RCOR1: variants seen among roughly 807,000 people sequenced by gnomAD.
RCOR1 encodes REST corepressor 1, also known as REST corepressor.
RCOR1 carries 12 observed loss-of-function variants against 64.0 expected under a neutral mutation model. The ratio of observed to expected loss-of-function variants is 0.19; its 90% CI spans 0.12 to 0.30. RCOR1 has a LOEUF of 0.30. Ranked by LOEUF, RCOR1 falls within the 10% of genes least tolerant of loss-of-function variation. RCOR1 has a pLI of 1.00. For missense variants in RCOR1, 502 were observed against 621.2 expected (o/e 0.81, Z 2.04); for synonymous variants, 279 against 227.2 (o/e 1.23, Z -2.05).
At chr14:102,673,029 T>C (rs1252564177) in intron 2 of RCOR1, among the ~76,000 whole-genome samples, 1 of 152,214 alleles carries the variant, frequency 6.6e-6, no homozygotes, top group African/African-American at 2.4e-5. Flanking sequence ...AAAATAGTAT[T>C]TGTCTGCTTA....
intron 3 of RCOR1, among the ~76,000 whole-genome samples, chr14:102,700,605 G>A (rs1895738308): frequency 6.6e-6 from 1 of 152,208 alleles, no homozygotes; most frequent in Admixed American, 6.5e-5. Flanking sequence ...CTGGCCTCAA[G>A]GGATCCTCCC....
chr14:102,609,623 T>C (rs1893585682), intron 2 of RCOR1, among the ~76,000 whole-genome samples: 1 of 151,460 alleles, frequency 6.6e-6, no homozygotes, highest in East Asian at 2.0e-4. Context: ...TTTTGTATTT[T>C]TTAGTAGAGA....
Position 102,649,057 on chromosome 14 carries a change from C to CA in RCOR1, c.362-32830dup, listed in dbSNP as rs1323616591. 6.1e-4 allele frequency among the ~76,000 whole-genome samples: 79 copies of CA among 128,578 alleles called. 1 individual carries two copies. In the East Asian group the frequency reaches 8.4e-3, roughly 14 times the overall value. 84.4% of individuals were successfully genotyped at this position (128,578 alleles called of 152,430 possible). On this transcript the variant is annotated intron_variant, in intron 2 of 11. Transcript: ENST00000262241. ...ATACATATACAGAAAACCAAACAAG[C>CA]AAAAAAAACAAAAAAAAAATAGAAT...
rs1205781028 is a variant in RCOR1 at position 102,685,613 on chromosome 14, G to T, written c.445+3635G>T. On this transcript the variant is annotated intron_variant, in intron 3 of 11. Coordinates refer to ENST00000262241, the MANE Select transcript of RCOR1 (RefSeq NM_015156.4). ...GTCTCCTGCCTCAGCTTCCCAAGTA[G>T]CTGGGACTACACACGCAGGCCCCTG... Among the ~76,000 whole-genome samples, 12 of 151,930 alleles carry T rather than the reference G, an allele frequency of 7.9e-5. No individual in the cohort carries two copies. The East Asian group carries it at 2.3e-3, about 29-fold the overall frequency.
chr14:102,642,707 A>G (rs1270723766), intron 2 of RCOR1, among the ~76,000 whole-genome samples: 1 of 152,110 alleles, frequency 6.6e-6, no homozygotes, highest in East Asian at 1.9e-4. Flanking sequence ...ATGGTGGCAC[A>G]TGCCTATGGT....
intron 2 of RCOR1, chr14:102,658,638 C>G (rs1894772774): frequency 2.0e-6 from 2 of 985,052 alleles, no homozygotes; most frequent in Non-Finnish European, 2.4e-6. Context: ...ACTTGGGTTC[C>G]TCTTACATCA....
chr14:102,624,852 G>A (rs916417115), intron 2 of RCOR1, among the ~76,000 whole-genome samples: 1 of 151,838 alleles, frequency 6.6e-6, no homozygotes, highest in African/African-American at 2.4e-5. Flanking sequence ...GGGAAACTGT[G>A]GGGGAAAGCC....
chr14:102,619,583 C>T (rs1451898634), intron 2 of RCOR1, among the ~76,000 whole-genome samples: 2 of 151,006 alleles, frequency 1.3e-5, no homozygotes, highest in Non-Finnish European at 2.9e-5. Context: ...CGGGTTCAAG[C>T]GATCTTCCTG....
chr14:102,630,086 G>T (rs1169706107), intron 2 of RCOR1: 1 of 729,654 alleles, frequency 1.4e-6, no homozygotes, highest in Non-Finnish European at 1.7e-6. Flanking sequence ...GTTGAAATTT[G>T]ATCTCCAGTG....
intron 2 of RCOR1, among the ~76,000 whole-genome samples, chr14:102,644,549 G>A (rs957314565): frequency 2.6e-5 from 4 of 151,890 alleles, no homozygotes; most frequent in East Asian, 1.9e-4. Flanking sequence ...CCATCACATC[G>A]CTCCCCCTTC....
chr14:102,593,807 C>T (rs918213481), intron 2 of RCOR1, among the ~76,000 whole-genome samples: 45 of 152,298 alleles, frequency 3.0e-4, no homozygotes, highest in African/African-American at 1.1e-3. Flanking sequence ...CTTGCTGGCT[C>T]CTGACTGCCC....
chr14:102,724,281 CTT>C (rs1013378004), intron 11 of RCOR1, among the ~76,000 whole-genome samples: 1 of 152,068 alleles, frequency 6.6e-6, no homozygotes, highest in Non-Finnish European at 1.5e-5. Flanking sequence ...CCTTTACAAA[CTT>C]TTTCACTCCG....
At chr14:102,601,405 A>G (rs1389044178) in intron 2 of RCOR1, among the ~76,000 whole-genome samples, 1 of 152,180 alleles carries the variant, frequency 6.6e-6, no homozygotes, top group Admixed American at 6.6e-5. Flanking sequence ...GTTGGTTTAT[A>G]TTATTTCTGT....
intron 6 of RCOR1, among the ~76,000 whole-genome samples, chr14:102,710,077 G>A (rs973826913): frequency 6.6e-6 from 1 of 152,148 alleles, no homozygotes. Context: ...GGCAGGGACT[G>A]GGACAAAATT....
chr14:102,633,585 G>C (rs1386753047), intron 2 of RCOR1, among the ~76,000 whole-genome samples: 1 of 152,052 alleles, frequency 6.6e-6, no homozygotes. Flanking sequence ...TGTCACCCAG[G>C]CTAGACTACA....
chr14:102,613,755 C>T (rs1198088092), intron 2 of RCOR1, among the ~76,000 whole-genome samples: 2 of 148,838 alleles, frequency 1.3e-5, no homozygotes, highest in East Asian at 4.0e-4. Context: ...TGGAGTATAA[C>T]TATGTTGCCC....
chr14:102,618,862 G>C (rs1893816289), intron 2 of RCOR1, among the ~76,000 whole-genome samples: 1 of 152,160 alleles, frequency 6.6e-6, no homozygotes, highest in Non-Finnish European at 1.5e-5. Flanking sequence ...AGGCTTTCCA[G>C]AGTTTACTCT....
intron 2 of RCOR1, chr14:102,658,334 CCAGGCA>C (rs1325503584): frequency 2.6e-5 from 5 of 188,948 alleles, no homozygotes; most frequent in Non-Finnish European, 4.9e-5. Context: ...ATGTGTGAGA[CCAGGCA>C]CGGTGGCTCA....
At chr14:102,624,380 C>T (rs1893938475) in intron 2 of RCOR1, among the ~76,000 whole-genome samples, 1 of 151,772 alleles carries the variant, frequency 6.6e-6, no homozygotes, top group Non-Finnish European at 1.5e-5. Flanking sequence ...GTGCCACCCA[C>T]CTGTAATCCC....
Sources: allele counts gnomAD v4.1 joint callset (sites outside exome capture counted in the v4.1 genomes callset), GRCh38; gene constraint gnomAD v4.1.1; transcripts MANE v1.5; gene names NCBI Gene and HGNC (gene_info 2026-07-23, HGNC 2026-07-21).